The following SLCO6A1 variants were observed in gnomAD, a reference collection of about 807,000 sequenced individuals.
SLCO6A1 encodes the protein cancer/testis antigen 48.
A neutral mutation model predicts 72.7 loss-of-function variants in SLCO6A1; 65 were observed. That is an observed-to-expected ratio of 0.89 (90% CI 0.73 to 1.10). SLCO6A1 has a LOEUF of 1.10. Among genes scored for constraint, SLCO6A1 ranks in the 50% least tolerant of loss-of-function variants. The pLI is 0.00. For synonymous variants in SLCO6A1, 314 were observed against 298.2 expected (o/e 1.05, Z -0.55); for missense variants, 874 against 872.6 (o/e 1.00, Z -0.02).
intron 1 of SLCO6A1, among the ~76,000 whole-genome samples, chr5:102,491,340 C>G (rs1406276961): frequency 6.6e-6 from 1 of 152,238 alleles, no homozygotes; most frequent in Non-Finnish European, 1.5e-5. Flanking sequence ...CAGTGGATCC[C>G]CTACCGGGGC....
At chr5:102,411,014 G>T (rs1580374922) in intron 9 of SLCO6A1, among the ~76,000 whole-genome samples, 1 of 152,128 alleles carries the variant, frequency 6.6e-6, no homozygotes, top group East Asian at 1.9e-4. Context: ...GTGACCAAAA[G>T]GATAGTATTC....
intron 6 of SLCO6A1, among the ~76,000 whole-genome samples, chr5:102,439,587 A>G (rs1448312451): frequency 6.6e-6 from 1 of 152,130 alleles, no homozygotes; most frequent in African/African-American, 2.4e-5. Flanking sequence ...TGATTCTGCC[A>G]TATTTATTCA....
chr5:102,458,015 A>C (rs61571077), intron 6 of SLCO6A1, among the ~76,000 whole-genome samples: 8,213 of 151,202 alleles, frequency 0.054, 728 homozygotes, highest in African/African-American at 0.19. Flanking sequence ...AAAACCAAAC[A>C]CTGCACGTTC....
In SLCO6A1 at chr5:102,439,495, C is replaced by T. The variant is rs190275051; in HGVS notation, c.1132-734G>A. ...TTTATTTAAATTTTCTTTTTCTGGC[C>T]CTAAACATCCCTGTTAGGTATGATC... On this transcript the variant is annotated intron_variant, in intron 6 of 13. Transcript: ENST00000506729. 1.8e-3 allele frequency among the ~76,000 whole-genome samples: 280 copies of T among 151,818 alleles called. 1 individual carries two copies. Among genetic ancestry groups the T allele is most frequent in the African/African-American group, 6.5e-3 (268 of 41,408 alleles).
intron 6 of SLCO6A1, among the ~76,000 whole-genome samples, chr5:102,455,731 G>A (rs554018233): frequency 6.6e-6 from 1 of 152,234 alleles, no homozygotes; most frequent in East Asian, 1.9e-4. Flanking sequence ...GAAACAGAAG[G>A]AAAATACCTG....
At chr5:102,418,169 T>C (rs1748395427) in intron 8 of SLCO6A1, among the ~76,000 whole-genome samples, 1 of 151,946 alleles carries the variant, frequency 6.6e-6, no homozygotes, top group Non-Finnish European at 1.5e-5. Flanking sequence ...ATTACCCTTA[T>C]CTTTGGACAT....
At chr5:102,456,097 G>T (rs1272464194) in intron 6 of SLCO6A1, among the ~76,000 whole-genome samples, 1 of 152,006 alleles carries the variant, frequency 6.6e-6, no homozygotes, top group African/African-American at 2.4e-5. Context: ...GTATTGATGG[G>T]ATATACCTCA....
chr5:102,376,701 C>A (rs1370831241), intron 12 of SLCO6A1, among the ~76,000 whole-genome samples: 1 of 151,922 alleles, frequency 6.6e-6, no homozygotes, highest in Non-Finnish European at 1.5e-5. Context: ...AAAGACAATA[C>A]CAAATAACTG....
In SLCO6A1 at chr5:102,373,375, T is replaced by G. The variant is rs1006265937; in HGVS notation, c.2137A>C (p.Lys713Gln). ...AGTTACAAGTCAGTTTCTTCTTTTTTCTTAACTTTTGGATTCTTCACAGTT... is the reference window on the plus strand; with the variant it reads ...AGTTACAAGTCAGTTTCTTCTTTTTGCTTAACTTTTGGATTCTTCACAGTT... ...DVTVKNPKVKKKEETDL is the reference protein window; with the variant it reads ...DVTVKNPKVKQKEETDL The change falls in exon 13 of 14, where the codon AAA becomes CAA. Residue 713 changes from lysine to glutamine, a missense_variant. Transcript: ENST00000506729. 6.4e-7 allele frequency: 1 copy of G among 1,567,280 alleles called. No individual in the cohort carries two copies. The highest frequency in any genetic ancestry group is 8.6e-7 in the Non-Finnish European group (1 of 1,161,350).
intron 12 of SLCO6A1, among the ~76,000 whole-genome samples, chr5:102,387,416 A>G (rs1746476100): frequency 6.6e-6 from 1 of 152,214 alleles, no homozygotes; most frequent in Admixed American, 6.5e-5. Context: ...GTGTTTGAAA[A>G]CAGGTAACCA....
rs1252970189 is a variant in SLCO6A1 at position 102,438,610 on chromosome 5, A to C, written c.1276+7T>G. On this transcript the variant is annotated splice_region_variant and intron_variant, in intron 7 of 13. Coordinates refer to ENST00000506729, the MANE Select transcript of SLCO6A1 (RefSeq NM_173488.5). ...TTTTTGAAATGACAATAAGAAGGTA[A>C]ATCTACCTGCAAGTGTAGTTGCCAC... 2 of 1,584,258 alleles carry C rather than the reference A, an allele frequency of 1.3e-6. No individual in the cohort carries two copies. The highest frequency in any genetic ancestry group is 1.7e-6 in the Non-Finnish European group (2 of 1,170,660).
intron 9 of SLCO6A1, among the ~76,000 whole-genome samples, chr5:102,409,582 A>G (rs1747861997): frequency 6.6e-6 from 1 of 152,082 alleles, no homozygotes; most frequent in South Asian, 2.1e-4. Flanking sequence ...AAAAGCTTCT[A>G]CTTGGTAGAT....
chr5:102,379,402 C>A (rs1379524602), intron 12 of SLCO6A1, among the ~76,000 whole-genome samples: 1 of 152,042 alleles, frequency 6.6e-6, no homozygotes. Context: ...ATGGTTTTAT[C>A]TTTCATATTT....
intron 6 of SLCO6A1, among the ~76,000 whole-genome samples, chr5:102,453,559 T>C (rs1188273231): frequency 3.3e-5 from 5 of 152,152 alleles, no homozygotes; most frequent in African/African-American, 9.7e-5. Flanking sequence ...CTTTAAATAA[T>C]ACGTTGTAGC....
chr5:102,420,831 A>G (rs181262992), intron 7 of SLCO6A1, among the ~76,000 whole-genome samples: 3 of 152,180 alleles, frequency 2.0e-5, no homozygotes, highest in Non-Finnish European at 4.4e-5. Flanking sequence ...GCTTAGAAAG[A>G]TAAATGACAT....
intron 4 of SLCO6A1, among the ~76,000 whole-genome samples, chr5:102,465,835 T>C (rs1298323836): frequency 6.6e-6 from 1 of 152,086 alleles, no homozygotes; most frequent in Non-Finnish European, 1.5e-5. Context: ...TGGTATTTTC[T>C]TTAATGAGTT....
chr5:102,390,874 C>CCTTT, intron 11 of SLCO6A1, 107 bp downstream of exon 11: 1 of 947,350 alleles, frequency 1.1e-6, no homozygotes, highest in South Asian at 1.7e-5. Flanking sequence ...CTTTCACTCG[C>CCTTT]TTTGTGTCAT....
rs767843240 is a variant in SLCO6A1 at position 102,372,100 on chromosome 5, C to T, written c.*39G>A. 6.6e-6 allele frequency: 1 copy of T among 152,042 alleles called. No homozygotes were observed. The highest frequency in any genetic ancestry group is 2.4e-5 in the African/African-American group (1 of 41,440). The allele number at this position is 152,042 out of a possible 1,614,324, so 9.4% of individuals were successfully genotyped here. A position where few individuals can be genotyped will look rare whatever the true frequency, so the allele number is the denominator to read the frequency against. ...TAAAAGAGAAACTCGTTTTCACACT[C>T]TGATCCTCAAATGATCTGCAATCCT... is the stretch of plus-strand genomic sequence containing the variant. On this transcript the variant is annotated 3_prime_UTR_variant, in exon 14 of 14. Transcript: ENST00000506729.
At chr5:102,477,632 AAAAC>A in intron 3 of SLCO6A1, 40 bp downstream of exon 3, 2 of 1,555,032 alleles carry the variant, frequency 1.3e-6, no homozygotes, top group Non-Finnish European at 1.7e-6. Context: ...AAATTCAAAG[AAAAC>A]TCAAAATGGG....
Sources: gnomAD v4.1 joint callset for allele counts (sites outside exome capture counted in the v4.1 genomes callset) on GRCh38, gnomAD v4.1.1 for gene constraint, MANE v1.5 for transcripts, NCBI Gene and HGNC (gene_info 2026-07-23, HGNC 2026-07-21) for gene names.